The following TM9SF4 variants were observed in gnomAD, a reference collection of about 807,000 sequenced individuals.
TM9SF4 encodes the protein transmembrane 9 superfamily member 4.
Under a neutral mutation model 90.4 loss-of-function variants are expected in TM9SF4, and 26 were observed. The ratio of observed to expected loss-of-function variants is 0.29; its 90% CI spans 0.21 to 0.40. TM9SF4 has a LOEUF of 0.40. TM9SF4 is among the 10% of genes least tolerant of loss of function. The pLI is 1.00. For synonymous variants in TM9SF4, 293 were observed against 315.4 expected (o/e 0.93, Z 0.75); for missense variants, 549 against 834.8 (o/e 0.66, Z 4.22).
At chr20:32,114,684 T>C (rs1299686462) in intron 1 of TM9SF4, among the ~76,000 whole-genome samples, 2 of 152,094 alleles carry the variant, frequency 1.3e-5, no homozygotes, top group Non-Finnish European at 2.9e-5. Flanking sequence ...GATGATAGAG[T>C]CCTGGAACAG....
chr20:32,150,064 C>G (rs2046819533), intron 10 of TM9SF4, among the ~76,000 whole-genome samples: 1 of 152,202 alleles, frequency 6.6e-6, no homozygotes, highest in Non-Finnish European at 1.5e-5. Context: ...GCCAAGTGAC[C>G]TGCCCAAAGT....
intron 13 of TM9SF4, 38 bp downstream of exon 13, chr20:32,155,224 A>C (rs2046902190): frequency 1.3e-6 from 2 of 1,551,260 alleles, no homozygotes; most frequent in Non-Finnish European, 8.9e-7. Context: ...CCTCCCCAGC[A>C]AGCGAGGACC....
rs1028973066 is a variant in TM9SF4 at position 32,109,773 on chromosome 20, C to T, written c.15+18C>T. The T allele has an allele frequency of 7.7e-6, 12 of 1,551,430 alleles. No homozygotes were observed. The African/African-American group carries it at 9.6e-5, about 12-fold the overall frequency. ...CGGCGATGGTGAGTGAAGGAGACTC[C>T]GGGAGCGGGAGCTGGAGCGGGGCCC... On this transcript the variant is annotated intron_variant, in intron 1 of 17. Transcript: ENST00000398022.
intron 1 of TM9SF4, among the ~76,000 whole-genome samples, chr20:32,119,635 T>G (rs1438424321): frequency 1.3e-5 from 2 of 152,152 alleles, no homozygotes; most frequent in Non-Finnish European, 2.9e-5. Context: ...TTTCATTTTC[T>G]TAGTGGTATC....
intron 17 of TM9SF4, among the ~76,000 whole-genome samples, 190 bp from the exon 18 acceptor site, chr20:32,165,105 C>T (rs1213251526): frequency 6.6e-6 from 1 of 152,210 alleles, no homozygotes; most frequent in Non-Finnish European, 1.5e-5. Context: ...TAGGGCAATA[C>T]ACAGGCCTGG....
At position 32,150,852 on chromosome 20, in the gene TM9SF4, C is replaced by T. The variant is rs201933846; in HGVS notation, c.1222C>T (p.Arg408Trp). The change falls in exon 12 of 18, where the codon CGG becomes TGG. Residue 408 changes from arginine (R) to tryptophan (W), a missense_variant. By Grantham distance (101) the Arg-to-Trp change is moderately radical (BLOSUM62 -3). Transcript: ENST00000398022. ...TCTGTACCGCACTTTAAAAGGCCAT[C>T]GGTGGAAGAAAGGAGCCTTCTGTGT... ...GRLYRTLKGH[R>W]WKKGAFCTAT... 453 of 1,614,072 alleles carry T rather than the reference C, an allele frequency of 2.8e-4. No individual in the cohort carries two copies. The highest frequency in any genetic ancestry group is 3.8e-4 in the Non-Finnish European group (445 of 1,180,040).
At chr20:32,122,455 G>T (rs1230233868) in intron 1 of TM9SF4, among the ~76,000 whole-genome samples, 1 of 151,142 alleles carries the variant, frequency 6.6e-6, no homozygotes, top group African/African-American at 2.4e-5. Flanking sequence ...CATACGGGGC[G>T]GCTGCCGGGC....
chr20:32,163,130 C>T (rs900748287), intron 17 of TM9SF4, among the ~76,000 whole-genome samples: 1 of 151,028 alleles, frequency 6.6e-6, no homozygotes, highest in African/African-American at 2.4e-5. Flanking sequence ...TCTGTAGTCC[C>T]AGCTACTCAG....
At chr20:32,127,422 C>T (rs904482037) in intron 1 of TM9SF4, among the ~76,000 whole-genome samples, 3 of 152,042 alleles carry the variant, frequency 2.0e-5, no homozygotes, top group African/African-American at 4.8e-5. Context: ...ACACCATCTG[C>T]GAAATGGTGA....
chr20:32,133,168 G>T (rs772617988), intron 2 of TM9SF4, 42 bp downstream of exon 2: 31 of 1,582,728 alleles, frequency 2.0e-5, no homozygotes, highest in Non-Finnish European at 2.5e-5. Context: ...GTGCTAGGCA[G>T]TGTGTCTGGA....
intron 1 of TM9SF4, among the ~76,000 whole-genome samples, chr20:32,117,856 A>G (rs1457823572): frequency 1.3e-5 from 2 of 152,154 alleles, no homozygotes; most frequent in Non-Finnish European, 2.9e-5. Flanking sequence ...ATGACGTTGA[A>G]TGGGCTGGTT....
chr20:32,131,954 A>G (rs1435057407), intron 1 of TM9SF4, among the ~76,000 whole-genome samples: 1 of 152,220 alleles, frequency 6.6e-6, no homozygotes, highest in Non-Finnish European at 1.5e-5. Context: ...GCAAATAAAC[A>G]TATACATATA....
rs1212961512 is a variant in TM9SF4 at position 32,163,269 on chromosome 20, AT to A, written c.1779+1905del. Among the ~76,000 whole-genome samples, 332 of 66,936 alleles carry A rather than the reference AT, an allele frequency of 5.0e-3. 3 individuals carry two copies. The highest frequency in any genetic ancestry group is 8.2e-3 in the South Asian group (23 of 2,808). The allele number at this position is 66,936 out of a possible 152,430, so 43.9% of individuals were successfully genotyped here. ...TCAAAAAAAAAAAAAAAAAAAAAAA[AT>A]ATATATATATATATATATATATATA... On this transcript the variant is annotated intron_variant, in intron 17 of 17. Coordinates refer to ENST00000398022, the MANE Select transcript of TM9SF4 (RefSeq NM_014742.4).
chr20:32,130,047 C>T (rs745777355), intron 1 of TM9SF4, among the ~76,000 whole-genome samples: 28 of 152,110 alleles, frequency 1.8e-4, no homozygotes, highest in African/African-American at 6.0e-4. Context: ...CAGATAAACC[C>T]GCAGTAGTGT....
chr20:32,161,032 T>G (rs193224341), intron 16 of TM9SF4: 251 of 342,420 alleles, frequency 7.3e-4, no homozygotes, highest in African/African-American at 4.9e-3. Context: ...ATTATTTTTT[T>G]GTTGTTGATT....
intron 1 of TM9SF4, among the ~76,000 whole-genome samples, chr20:32,119,448 A>T (rs762223801): frequency 6.6e-6 from 1 of 152,114 alleles, no homozygotes; most frequent in Non-Finnish European, 1.5e-5. Flanking sequence ...TATTAAATAT[A>T]TTTTATGCTT....
At chr20:32,140,957 A>G (rs1031350491) in intron 3 of TM9SF4, among the ~76,000 whole-genome samples, 2 of 151,922 alleles carry the variant, frequency 1.3e-5, no homozygotes, top group African/African-American at 4.8e-5. Context: ...GGTGGCTCAC[A>G]CCTGTAATCT....
At chr20:32,116,343 G>A (rs949763248) in intron 1 of TM9SF4, 5 of 152,218 alleles carry the variant, frequency 3.3e-5, no homozygotes, top group East Asian at 1.9e-4. Context: ...AAGTCTTCCC[G>A]TGGTGAGCTA....
intron 16 of TM9SF4, 56 bp downstream of exon 16, chr20:32,160,167 G>T: frequency 6.2e-7 from 1 of 1,610,716 alleles, no homozygotes; most frequent in South Asian, 1.1e-5. Context: ...AGCATTGAAC[G>T]GGTTGATGAG....
Sources: allele counts gnomAD v4.1 joint callset (sites outside exome capture counted in the v4.1 genomes callset), GRCh38; gene constraint gnomAD v4.1.1; transcripts MANE v1.5; gene names NCBI Gene and HGNC (gene_info 2026-07-23, HGNC 2026-07-21).